The following GRIK2 variants were observed in gnomAD, a reference collection of about 807,000 sequenced individuals.
GRIK2 encodes the protein glutamate receptor ionotropic, kainate 2.
In GRIK2, 32 loss-of-function variants were observed where a neutral mutation model predicts 100.3. The observed-to-expected ratio is 0.32, with a 90% CI of 0.24 to 0.43. The LOEUF is 0.43. Among genes scored for constraint, GRIK2 ranks in the 20% least tolerant of loss-of-function variants. The pLI, the probability that GRIK2 is intolerant of heterozygous loss-of-function variation, is 1.00. For synonymous variants in GRIK2, 417 were observed against 389.4 expected (o/e 1.07, Z -0.83); for missense variants, 843 against 1,114.9 (o/e 0.76, Z 3.47).
chr6:101,710,821 G>A (rs1773650421), intron 7 of GRIK2, among the ~76,000 whole-genome samples: 1 of 151,762 alleles, frequency 6.6e-6, no homozygotes, highest in Admixed American at 6.6e-5. Flanking sequence ...AAAAGTGAGG[G>A]AAATTGAGAT....
chr6:101,458,412 A>G (rs1350152903), intron 2 of GRIK2, among the ~76,000 whole-genome samples: 2 of 152,200 alleles, frequency 1.3e-5, no homozygotes, highest in African/African-American at 4.8e-5. Context: ...ATTTTGGTAT[A>G]CAGAAATTAA....
chr6:101,787,863 C>A (rs181856788), intron 7 of GRIK2, among the ~76,000 whole-genome samples: 4 of 152,044 alleles, frequency 2.6e-5, no homozygotes, highest in East Asian at 1.9e-4. Flanking sequence ...GATTTTCTAC[C>A]TAGATGAGCT....
rs891352228 is a variant in GRIK2, at chr6:101,721,996, C to T, written c.951+35643C>T. On this transcript the variant is annotated intron_variant, in intron 7 of 16. Transcript: ENST00000369134. ...TAAATCTATGTCAACTCTAAAAATA[C>T]TTTAATCCATTTGTGCTTTAATAAC... is the stretch of plus-strand genomic sequence containing the variant. 3.3e-5 allele frequency among the ~76,000 whole-genome samples: 5 copies of T among 151,938 alleles called. No homozygotes were observed. In the South Asian group the frequency reaches 1.0e-3, roughly 32 times the overall value.
intron 2 of GRIK2, among the ~76,000 whole-genome samples, chr6:101,419,849 A>G (rs1191157471): frequency 6.6e-6 from 1 of 152,210 alleles, no homozygotes; most frequent in East Asian, 1.9e-4. Context: ...TCACACTGTC[A>G]GAACCAAAGC....
chr6:101,802,451 G>A lies in GRIK2; in HGVS notation c.1203+13G>A, dbSNP rs542632846. On this transcript the variant is annotated intron_variant, in intron 9 of 16. Transcript: ENST00000369134. ...AGGTCTAGAAAAGGTATTTCAGTGA[G>A]CTTATTTGCTTTAATTACTAAATGA... The A allele has an allele frequency of 2.6e-6, 3 of 1,165,610 alleles. No individual in the cohort carries two copies. Among genetic ancestry groups the A allele is most frequent in the Non-Finnish European group, 2.5e-6 (2 of 805,212 alleles). 72.2% of individuals were successfully genotyped at this position (1,165,610 alleles called of 1,614,324 possible).
At chr6:101,588,928 C>A (rs1238103829) in intron 2 of GRIK2, among the ~76,000 whole-genome samples, 4 of 151,852 alleles carry the variant, frequency 2.6e-5, no homozygotes, top group Non-Finnish European at 5.9e-5. Flanking sequence ...CAGGGAAACA[C>A]AAAAATGGCA....
intron 1 of GRIK2, among the ~76,000 whole-genome samples, chr6:101,394,820 T>C (rs1351079562): frequency 2.0e-5 from 3 of 152,040 alleles, no homozygotes; most frequent in African/African-American, 4.8e-5. Flanking sequence ...AACTTTTGAG[T>C]CAAACAAACA....
intron 7 of GRIK2, among the ~76,000 whole-genome samples, chr6:101,785,588 C>T (rs6924351): frequency 0.033 from 5,064 of 151,904 alleles, 198 homozygotes; most frequent in African/African-American, 0.094. Context: ...CTGTTTCCGA[C>T]GTATATTCTT....
chr6:101,421,527 C>T (rs754005362), intron 2 of GRIK2, among the ~76,000 whole-genome samples: 5 of 152,168 alleles, frequency 3.3e-5, no homozygotes, highest in Admixed American at 3.3e-4. Flanking sequence ...GAAAGGGAGA[C>T]ATTCCTAATA....
At chr6:101,900,086 A>T (rs1238722982) in intron 12 of GRIK2, among the ~76,000 whole-genome samples, 1 of 152,200 alleles carries the variant, frequency 6.6e-6, no homozygotes, top group Non-Finnish European at 1.5e-5. Context: ...TGTTGATATT[A>T]CTACTTCAAT....
intron 2 of GRIK2, among the ~76,000 whole-genome samples, chr6:101,541,786 A>G (rs572232503): frequency 6.6e-6 from 1 of 152,150 alleles, no homozygotes; most frequent in East Asian, 1.9e-4. Context: ...AACACATGCC[A>G]GCCACTGGAT....
chr6:102,065,798 G>T, intron 16 of GRIK2: 2 of 1,517,732 alleles, frequency 1.3e-6, no homozygotes, highest in Admixed American at 4.1e-5. Context: ...TTTCAACAGA[G>T]AGCCAAGACT....
Position 102,048,354 on chromosome 6 carries a change from C to G in GRIK2, c.2312-6976C>G, listed in dbSNP as rs956069718. Among the ~76,000 whole-genome samples the G allele has an allele frequency of 2.0e-4, 31 of 151,334 alleles. 1 individual carries two copies. The highest frequency in any genetic ancestry group is 7.3e-4 in the African/African-American group (30 of 41,112). On this transcript the variant is annotated intron_variant, in intron 15 of 16. Coordinates refer to ENST00000369134, the MANE Select transcript of GRIK2 (RefSeq NM_021956.5). ...TGCAGGCAACAAAAGCAAAAATAGA[C>G]AAATGGGATTACATCAAACTAAAAG...
At chr6:101,402,839 C>T (rs1775394051) in intron 2 of GRIK2, among the ~76,000 whole-genome samples, 1 of 152,236 alleles carries the variant, frequency 6.6e-6, no homozygotes, top group South Asian at 2.1e-4. Context: ...AATGAGGCAT[C>T]TTTGTTTCGC....
chr6:101,447,169 A>T (rs1219974652), intron 2 of GRIK2, among the ~76,000 whole-genome samples: 1 of 151,424 alleles, frequency 6.6e-6, no homozygotes, highest in African/African-American at 2.4e-5. Context: ...ATCTCATTGC[A>T]GTGGGAAAAG....
chr6:102,044,129 G>T (rs1057302072), intron 15 of GRIK2, among the ~76,000 whole-genome samples: 1 of 151,828 alleles, frequency 6.6e-6, no homozygotes, highest in Non-Finnish European at 1.5e-5. Flanking sequence ...AAAATGATAA[G>T]GATACAAAAA....
At chr6:102,037,851 T>A (rs1005677128) in intron 15 of GRIK2, among the ~76,000 whole-genome samples, 4 of 151,320 alleles carry the variant, frequency 2.6e-5, no homozygotes, top group African/African-American at 9.7e-5. Context: ...ACCCAGAAAC[T>A]TCATGAGTTA....
chr6:101,744,557 T>TATATA (rs1776299152), intron 7 of GRIK2: 2 of 126,182 alleles, frequency 1.6e-5, no homozygotes, highest in Non-Finnish European at 3.3e-5. Flanking sequence ...TATATATATA[T>TATATA]ATCACAATTT....
intron 2 of GRIK2, among the ~76,000 whole-genome samples, chr6:101,541,376 C>CCCACA (rs1554217240): frequency 0.058 from 322 of 5,592 alleles, 5 homozygotes; most frequent in Middle Eastern, 0.25. Context: ...GCGCACACAA[C>CCCACA]CACACACACA....
Sources: allele counts gnomAD v4.1 joint callset (sites outside exome capture counted in the v4.1 genomes callset), GRCh38; gene constraint gnomAD v4.1.1; transcripts MANE v1.5; gene names NCBI Gene and HGNC (gene_info 2026-07-23, HGNC 2026-07-21).